The following ADAM12 variants were observed in gnomAD, a reference collection of about 807,000 sequenced individuals.
ADAM12 encodes ADAM metallopeptidase domain 12.
ADAM12 carries 70 observed loss-of-function variants against 106.4 expected under a neutral mutation model. That is an observed-to-expected ratio of 0.66 (90% CI 0.54 to 0.80). The LOEUF (loss-of-function observed/expected upper bound fraction) is 0.80. ADAM12 is among the 30% of genes least tolerant of loss of function. The pLI, the probability that ADAM12 is intolerant of heterozygous loss-of-function variation, is 0.00. For synonymous variants in ADAM12, 420 were observed against 433.5 expected (o/e 0.97, Z 0.39); for missense variants, 1,010 against 1,171.9 (o/e 0.86, Z 2.02).
intron 3 of ADAM12, among the ~76,000 whole-genome samples, chr10:126,233,718 C>A (rs1958359509): frequency 6.6e-6 from 1 of 152,050 alleles, no homozygotes; most frequent in African/African-American, 2.4e-5. Flanking sequence ...ACTTGTGAAC[C>A]AAATGTTTCT....
intron 3 of ADAM12, among the ~76,000 whole-genome samples, chr10:126,258,839 C>T (rs913002321): frequency 1.3e-5 from 2 of 152,284 alleles, no homozygotes; most frequent in Admixed American, 6.5e-5. Context: ...TGCCCATGCC[C>T]GTAAGCACTT....
chr10:126,090,585 C>A lies in ADAM12; in HGVS notation c.1145+3400G>T, dbSNP rs78431197. 6.5e-4 allele frequency among the ~76,000 whole-genome samples: 99 copies of A among 152,262 alleles called. No individual in the cohort carries two copies. In the East Asian group the frequency reaches 0.016, roughly 25 times the overall value. ...ACTGCTTTTGCCAAAGAGTCATTTC[C>A]AGGACAGGTCTTAAATGTTTAGAGA... On this transcript the variant is annotated intron_variant, in intron 11 of 22. Coordinates refer to ENST00000448723, the MANE Select transcript of ADAM12 (RefSeq NM_001288973.2).
intron 4 of ADAM12, among the ~76,000 whole-genome samples, chr10:126,136,836 C>A (rs1360880869): frequency 6.6e-6 from 1 of 152,082 alleles, no homozygotes; most frequent in Non-Finnish European, 1.5e-5. Flanking sequence ...TTCTGTTGAG[C>A]TTTTTCATAT....
chr10:126,206,032 T>C (rs1957788570), intron 3 of ADAM12, among the ~76,000 whole-genome samples: 1 of 152,194 alleles, frequency 6.6e-6, no homozygotes, highest in South Asian at 2.1e-4. Context: ...TAGCTAGACT[T>C]TATGTGTCTG....
In ADAM12 at chr10:126,388,252, G is replaced by A. The variant is rs1240899332; in HGVS notation, c.-107C>T. On this transcript the variant is annotated 5_prime_UTR_variant, in exon 1 of 23. Coordinates refer to ENST00000448723, the MANE Select transcript of ADAM12 (RefSeq NM_001288973.2). The surrounding 1 kb of genome is among the most constrained non-coding windows in gnomAD (Gnocchi z 4.4). Reference sequence around the variant, plus strand: ...GGCGTCGCGACCGGAGGGATTTCCTGCCTCGGCGAGTCAGCTCCGGAGCCC... The same window carrying A: ...GGCGTCGCGACCGGAGGGATTTCCTACCTCGGCGAGTCAGCTCCGGAGCCC... The A allele has an allele frequency of 2.0e-5, 24 of 1,179,186 alleles. No homozygotes were observed. Among genetic ancestry groups the A allele is most frequent in the Non-Finnish European group, 1.4e-5 (13 of 953,534 alleles). The allele number at this position is 1,179,186 out of a possible 1,614,324, so 73.0% of individuals were successfully genotyped here.
chr10:126,072,892 C>T (rs1281150737), intron 11 of ADAM12, among the ~76,000 whole-genome samples: 1 of 152,108 alleles, frequency 6.6e-6, no homozygotes, highest in Admixed American at 6.5e-5. Flanking sequence ...AATCAATTGG[C>T]CAAACCAACG....
chr10:126,291,803 G>A (rs1960161231), intron 2 of ADAM12, among the ~76,000 whole-genome samples: 1 of 152,142 alleles, frequency 6.6e-6, no homozygotes, highest in South Asian at 2.1e-4. Flanking sequence ...AGAAGGACTG[G>A]GGGTCATCTG....
chr10:126,185,011 G>T (rs562436711), intron 3 of ADAM12, among the ~76,000 whole-genome samples: 19 of 152,272 alleles, frequency 1.2e-4, no homozygotes, highest in Non-Finnish European at 2.1e-4. Context: ...TCTCTTATTG[G>T]ATTAAACCTA....
chr10:126,309,426 G>A (rs1960985722), intron 2 of ADAM12, among the ~76,000 whole-genome samples: 1 of 152,168 alleles, frequency 6.6e-6, no homozygotes, highest in Non-Finnish European at 1.5e-5. Context: ...CCTGGACTTT[G>A]GGTATTGTAA....
At chr10:126,307,288 C>T (rs887154314) in intron 2 of ADAM12, among the ~76,000 whole-genome samples, 9 of 152,126 alleles carry the variant, frequency 5.9e-5, no homozygotes, top group African/African-American at 1.9e-4. Context: ...AGCTTCAAGT[C>T]CTTCTCAGCT....
At chr10:126,145,647 G>A (rs1016817437) in intron 4 of ADAM12, 2 of 152,182 alleles carry the variant, frequency 1.3e-5, no homozygotes, top group African/African-American at 4.8e-5. Flanking sequence ...GGGTGTGGCC[G>A]AGTTATTTAG....
chr10:126,261,858 A>C (rs562219693), intron 3 of ADAM12, among the ~76,000 whole-genome samples: 217 of 148,662 alleles, frequency 1.5e-3, no homozygotes, highest in African/African-American at 5.3e-3. Flanking sequence ...GCTGGAGTGC[A>C]GCGGCGCGAT....
intron 2 of ADAM12, among the ~76,000 whole-genome samples, chr10:126,285,808 C>T (rs568369448): frequency 4.6e-5 from 7 of 152,238 alleles, no homozygotes; most frequent in African/African-American, 9.6e-5. Context: ...TCTGCAAAGA[C>T]GGGTGCGGCC....
chr10:126,353,660 A>C lies in ADAM12; in HGVS notation c.89-23151T>G, dbSNP rs148107738. ...TCTCTGATAGCAAAATAAATAAGAG[A>C]TTTATGACTCTTCTAATACTAACCA... On this transcript the variant is annotated intron_variant, in intron 1 of 22. Transcript: ENST00000448723. Among the ~76,000 whole-genome samples, 335 of 152,316 alleles carry C rather than the reference A, an allele frequency of 2.2e-3. 3 individuals are homozygous for C. The highest frequency in any genetic ancestry group is 7.8e-3 in the African/African-American group (326 of 41,582).
chr10:126,112,294 A>G (rs572549490), intron 6 of ADAM12, among the ~76,000 whole-genome samples: 13 of 151,494 alleles, frequency 8.6e-5, no homozygotes, highest in African/African-American at 2.9e-4. Context: ...TGGCACACGT[A>G]TACCTATGTA....
At chr10:126,362,820 A>C (rs1241790528) in intron 1 of ADAM12, among the ~76,000 whole-genome samples, 2 of 152,204 alleles carry the variant, frequency 1.3e-5, no homozygotes, top group Non-Finnish European at 2.9e-5. Flanking sequence ...AAGGGTACTA[A>C]GTTTCTGTTA....
intron 14 of ADAM12, among the ~76,000 whole-genome samples, chr10:126,063,834 ATC>A (rs1295979652): frequency 6.6e-5 from 10 of 152,126 alleles, no homozygotes; most frequent in African/African-American, 2.4e-4. Flanking sequence ...GAGGCCTTGG[ATC>A]TCTGACCCCA....
chr10:126,125,348 G>A (rs1316413873), intron 5 of ADAM12, among the ~76,000 whole-genome samples: 2 of 151,420 alleles, frequency 1.3e-5, no homozygotes, highest in African/African-American at 4.9e-5. Context: ...TGGTTCAAGG[G>A]ATTCTCCTGC....
chr10:126,040,228 A>G (rs1954136418), intron 18 of ADAM12, among the ~76,000 whole-genome samples: 1 of 152,218 alleles, frequency 6.6e-6, no homozygotes, highest in Non-Finnish European at 1.5e-5. Flanking sequence ...GCTCAGACTT[A>G]GAGGAGGTCT....
Sources: allele counts gnomAD v4.1 joint callset (sites outside exome capture counted in the v4.1 genomes callset), GRCh38; gene constraint gnomAD v4.1.1; non-coding constraint Gnocchi (gnomAD v3.1); transcripts MANE v1.5; gene names NCBI Gene and HGNC (gene_info 2026-07-23, HGNC 2026-07-21).